SRFBP1: variants seen among roughly 807,000 people sequenced by gnomAD.
SRFBP1 encodes the protein serum response factor-binding protein 1.
SRFBP1 carries 47 observed loss-of-function variants against 45.5 expected under a neutral mutation model. The ratio of observed to expected loss-of-function variants is 1.03; its 90% CI spans 0.82 to 1.32. The LOEUF (loss-of-function observed/expected upper bound fraction) is 1.32. Ranked by LOEUF, SRFBP1 falls within the 40% of genes most tolerant of loss-of-function variation. The pLI is 0.00. For synonymous variants in SRFBP1, 203 were observed against 166.3 expected (o/e 1.22, Z -1.70); for missense variants, 621 against 484.6 (o/e 1.28, Z -2.64).
chr5:122,014,208 ATATATT>A (rs1398481008), intron 4 of SRFBP1, among the ~76,000 whole-genome samples: 1 of 152,186 alleles, frequency 6.6e-6, no homozygotes, highest in Non-Finnish European at 1.5e-5. Context: ...AACAATATTT[ATATATT>A]TATAACATTT....
At chr5:121,984,406 T>G (rs1304524742) in intron 3 of SRFBP1, among the ~76,000 whole-genome samples, 1 of 151,774 alleles carries the variant, frequency 6.6e-6, no homozygotes, top group East Asian at 1.9e-4. Flanking sequence ...ATCTTTCCTT[T>G]TGTTACTATG....
chr5:122,050,140 G>A (rs1181059425), intron 2 of SRFBP1, among the ~76,000 whole-genome samples: 1 of 152,152 alleles, frequency 6.6e-6, no homozygotes, highest in African/African-American at 2.4e-5. Context: ...GCTGGATTCA[G>A]TTTGCTAGTA....
chr5:121,995,782 A>T (rs1390988272), intron 4 of SRFBP1, among the ~76,000 whole-genome samples: 2 of 151,560 alleles, frequency 1.3e-5, no homozygotes, highest in Admixed American at 1.3e-4. Context: ...TAATAAAGAA[A>T]AAAAGAGAGA....
chr5:122,066,329 A>G (rs1233214789), intron 2 of SRFBP1: 1 of 171,028 alleles, frequency 5.8e-6, no homozygotes, highest in African/African-American at 2.4e-5. Context: ...ACATATATAA[A>G]CCCATTATTA....
intron 1 of SRFBP1, among the ~76,000 whole-genome samples, chr5:121,973,432 T>C (rs1244936255): frequency 6.6e-6 from 1 of 151,874 alleles, no homozygotes; most frequent in African/African-American, 2.4e-5. Context: ...TCGTAACTGA[T>C]AGATGAAATA....
At chr5:122,073,676 C>A (rs966877094) in intron 2 of SRFBP1, among the ~76,000 whole-genome samples, 2 of 152,086 alleles carry the variant, frequency 1.3e-5, no homozygotes, top group African/African-American at 4.8e-5. Context: ...GTAACAAGGA[C>A]CCACACTGAC....
At position 122,022,428 on chromosome 5, in the gene SRFBP1, G is replaced by T. The variant is rs764685330; in HGVS notation, c.1105+21G>T. On this transcript the variant is annotated intron_variant, in intron 7 of 7. Transcript: ENST00000339397. ...CCTAGGTATGTATTCATAGTTGCCT[G>T]ACCTTCATATGCAATTAAGCTATGT... 24 of 1,601,064 alleles carry T rather than the reference G, an allele frequency of 1.5e-5. No individual in the cohort carries two copies. The South Asian group carries it at 2.2e-4, about 14-fold the overall frequency.
chr5:122,009,651 G>A (rs1753048920), intron 4 of SRFBP1, among the ~76,000 whole-genome samples: 1 of 152,142 alleles, frequency 6.6e-6, no homozygotes, highest in African/African-American at 2.4e-5. Context: ...TAAAATGACT[G>A]TCCTGTGTAT....
In SRFBP1 at chr5:122,046,991, T is replaced by C. The variant is rs541585876; in HGVS notation, n.311+24584T>C. 1.1e-4 allele frequency among the ~76,000 whole-genome samples: 16 copies of C among 152,346 alleles called. No homozygotes were observed. In the East Asian group the frequency reaches 2.9e-3, roughly 28 times the overall value. ...GTTGCAGACATTTTCTCCCATTCTGTAGGTTGCCTGTTCACTCTGATGGTA... is the reference window on the plus strand; with the variant it reads ...GTTGCAGACATTTTCTCCCATTCTGCAGGTTGCCTGTTCACTCTGATGGTA... On this transcript the variant is annotated intron_variant and non_coding_transcript_variant, in intron 2 of 2. Coordinates refer to the SRFBP1 transcript ENST00000504881.
intron 5 of SRFBP1, among the ~76,000 whole-genome samples, chr5:122,019,833 A>G (rs1039512847): frequency 5.9e-5 from 9 of 152,038 alleles, no homozygotes; most frequent in African/African-American, 9.7e-5. Context: ...ACTGTTCTTC[A>G]TAACTCCAAG....
chr5:122,019,960 A>G (rs563300118), intron 5 of SRFBP1, 128 bp from the exon 6 acceptor site: 2 of 548,484 alleles, frequency 3.6e-6, no homozygotes, highest in South Asian at 7.3e-5. Context: ...GACCGAGTAT[A>G]TGTATTTAAT....
intron 2 of SRFBP1, among the ~76,000 whole-genome samples, chr5:122,066,956 G>C (rs1485060929): frequency 6.6e-6 from 1 of 152,090 alleles, no homozygotes; most frequent in East Asian, 1.9e-4. Flanking sequence ...AGAGATGCCT[G>C]ATGCCTACAC....
chr5:121,987,940 TCAAA>T (rs1275814036), intron 3 of SRFBP1, among the ~76,000 whole-genome samples: 1 of 152,114 alleles, frequency 6.6e-6, no homozygotes, highest in South Asian at 2.1e-4. Flanking sequence ...ATTAGGTTGT[TCAAA>T]CAAAGTCCCT....
intron 1 of SRFBP1, among the ~76,000 whole-genome samples, chr5:121,966,622 C>G (rs7732802): frequency 0.041 from 6,308 of 152,188 alleles, 149 homozygotes; most frequent in African/African-American, 0.05. Context: ...AAAACTAGAG[C>G]TAGATTTTCT....
chr5:122,072,617 A>C (rs1269450188), intron 2 of SRFBP1, among the ~76,000 whole-genome samples: 1 of 152,212 alleles, frequency 6.6e-6, no homozygotes, highest in Non-Finnish European at 1.5e-5. Context: ...GGTGATTGAG[A>C]GACTATTTTT....
At chr5:122,010,205 A>G (rs1196315120) in intron 4 of SRFBP1, among the ~76,000 whole-genome samples, 1 of 152,140 alleles carries the variant, frequency 6.6e-6, no homozygotes, top group East Asian at 1.9e-4. Flanking sequence ...AAATTAGAGG[A>G]AGGTTCATTT....
At chr5:121,993,904 C>A (rs931761770) in intron 3 of SRFBP1, among the ~76,000 whole-genome samples, 1 of 151,550 alleles carries the variant, frequency 6.6e-6, no homozygotes, top group Non-Finnish European at 1.5e-5. Flanking sequence ...TCTTTCATTT[C>A]TACTTTTTCA....
chr5:122,077,493 C>G (rs749364042), downstream of SRFBP1: 68 of 1,613,784 alleles, frequency 4.2e-5, no homozygotes, highest in Middle Eastern at 1.6e-4. The surrounding 1 kb of genome is among the most constrained non-coding windows in gnomAD (Gnocchi z 4.9). Context: ...CCCACCATGC[C>G]GTCCACGCGG....
chr5:121,995,581 A>G (rs1246527573), intron 4 of SRFBP1, among the ~76,000 whole-genome samples: 1 of 152,184 alleles, frequency 6.6e-6, no homozygotes, highest in Non-Finnish European at 1.5e-5. Context: ...CAAAATTGAC[A>G]CCCTAACATC....
Sources: allele counts gnomAD v4.1 joint callset (sites outside exome capture counted in the v4.1 genomes callset), GRCh38; gene constraint gnomAD v4.1.1; non-coding constraint Gnocchi (gnomAD v3.1); transcripts MANE v1.5; gene names NCBI Gene and HGNC (gene_info 2026-07-23, HGNC 2026-07-21).